Variants in ARHGAP28 observed in about 807,000 individuals in gnomAD.
ARHGAP28 encodes the protein rho GTPase-activating protein 28.
ARHGAP28 carries 56 observed loss-of-function variants against 90.7 expected under a neutral mutation model. The observed-to-expected ratio is 0.62, with a 90% CI of 0.50 to 0.77. The LOEUF is 0.77. Among genes scored for constraint, ARHGAP28 ranks in the 30% least tolerant of loss-of-function variants. The pLI is 0.00. For missense variants in ARHGAP28, 869 were observed against 900.9 expected (o/e 0.96, Z 0.45); for synonymous variants, 308 against 323.3 (o/e 0.95, Z 0.51).
intron 1 of ARHGAP28, among the ~76,000 whole-genome samples, chr18:6,814,178 G>A (rs957352920): frequency 6.6e-6 from 1 of 152,116 alleles, no homozygotes; most frequent in Non-Finnish European, 1.5e-5. Flanking sequence ...AATTTAATAA[G>A]TTTGTACTTG....
intron 1 of ARHGAP28, among the ~76,000 whole-genome samples, chr18:6,758,707 C>T (rs536187359): frequency 6.6e-6 from 1 of 152,296 alleles, no homozygotes; most frequent in South Asian, 2.1e-4. Context: ...CTCCTAGCTG[C>T]TTGGTCTAGT....
At chr18:6,868,281 T>C in intron 6 of ARHGAP28, 47 bp downstream of exon 6, 2 of 1,527,078 alleles carry the variant, frequency 1.3e-6, no homozygotes, top group Non-Finnish European at 1.8e-6. Flanking sequence ...CTTCTCGCTT[T>C]TGTTCTGGCA....
chr18:6,741,133 C>T (rs1600142710), intron 1 of ARHGAP28, among the ~76,000 whole-genome samples: 2 of 152,138 alleles, frequency 1.3e-5, no homozygotes, highest in Non-Finnish European at 2.9e-5. Flanking sequence ...GTCTTGAAAA[C>T]ATATTTGCTG....
At chr18:6,834,682 G>A (rs1442279538) in intron 2 of ARHGAP28, 1 of 152,224 alleles carries the variant, frequency 6.6e-6, no homozygotes, top group Non-Finnish European at 1.5e-5. Flanking sequence ...CCACAAGAGA[G>A]AGGATGTAGC....
chr18:6,755,814 C>A (rs1480373527), intron 1 of ARHGAP28, among the ~76,000 whole-genome samples: 1 of 152,118 alleles, frequency 6.6e-6, no homozygotes, highest in Non-Finnish European at 1.5e-5. Flanking sequence ...AGCATTTGAG[C>A]AATTTCTTTT....
rs577409944 is a variant in ARHGAP28 at position 6,751,217 on chromosome 18, A to G, written c.122+21274A>G. On this transcript the variant is annotated intron_variant, in intron 1 of 17. Transcript: ENST00000383472. ...AGAAGACAATTTTTTAAATTTTTCA[A>G]TGAAACATAGAAAATGATACACCAA... Among the ~76,000 whole-genome samples, 228 of 152,300 alleles carry G rather than the reference A, an allele frequency of 1.5e-3. 1 individual carries two copies. Among genetic ancestry groups the G allele is most frequent in the African/African-American group, 5.0e-3 (209 of 41,574 alleles).
At chr18:6,865,567 A>G (rs1265824413) in intron 5 of ARHGAP28, among the ~76,000 whole-genome samples, 1 of 152,174 alleles carries the variant, frequency 6.6e-6, no homozygotes, top group African/African-American at 2.4e-5. Flanking sequence ...AACTCAAACC[A>G]TGGGCAAAAA....
chr18:6,848,060 C>T (rs2056880507), intron 3 of ARHGAP28, among the ~76,000 whole-genome samples: 2 of 152,052 alleles, frequency 1.3e-5, no homozygotes, highest in Admixed American at 1.3e-4. Flanking sequence ...CCTAGTATGC[C>T]ACAAAATTCC....
chr18:6,910,252 G>A (rs975205552), intron 17 of ARHGAP28, among the ~76,000 whole-genome samples: 2 of 152,224 alleles, frequency 1.3e-5, no homozygotes, highest in East Asian at 3.9e-4. Context: ...TCCTAGCTGC[G>A]CTGCTGGAGA....
At chr18:6,774,961 T>G (rs554739236) in intron 1 of ARHGAP28, among the ~76,000 whole-genome samples, 1 of 152,346 alleles carries the variant, frequency 6.6e-6, no homozygotes, top group South Asian at 2.1e-4. Flanking sequence ...AATTAGCACC[T>G]GTGTTAGTGT....
rs1020021012 is a variant in ARHGAP28 at position 6,808,590 on chromosome 18, G to A, written c.123-16172G>A. On this transcript the variant is annotated intron_variant, in intron 1 of 17. Transcript: ENST00000383472. ...TTCAGTTTCTTGTGGATATTTTTTC[G>A]GGGGTTACATTCTAGAGCAGCCTCT... is the stretch of plus-strand genomic sequence containing the variant. 1.4e-4 allele frequency among the ~76,000 whole-genome samples: 22 copies of A among 152,084 alleles called. 1 individual carries two copies. Among genetic ancestry groups the A allele is most frequent in the Admixed American group, 6.6e-4 (10 of 15,266 alleles).
chr18:6,766,306 T>C (rs2056199546), intron 1 of ARHGAP28, among the ~76,000 whole-genome samples: 1 of 152,228 alleles, frequency 6.6e-6, no homozygotes, highest in African/African-American at 2.4e-5. Context: ...TTTAGGATTA[T>C]TAGGTTTTCT....
chr18:6,752,433 C>A (rs2056076967), intron 1 of ARHGAP28, among the ~76,000 whole-genome samples: 1 of 152,302 alleles, frequency 6.6e-6, no homozygotes, highest in African/African-American at 2.4e-5. Context: ...CCTCACAAGT[C>A]AATAAACGTC....
At chr18:6,870,556 A>G in intron 6 of ARHGAP28, 34 bp from the exon 7 acceptor site, 1 of 1,562,400 alleles carries the variant, frequency 6.4e-7, no homozygotes, top group Non-Finnish European at 8.7e-7. Flanking sequence ...TAAATAGCAT[A>G]TTAAATAGTC....
chr18:6,776,575 G>C (rs560484669), intron 1 of ARHGAP28, among the ~76,000 whole-genome samples: 6 of 152,172 alleles, frequency 3.9e-5, no homozygotes, highest in Non-Finnish European at 8.8e-5. Flanking sequence ...GGGATTATAG[G>C]CATGAGCCAC....
At chr18:6,843,259 C>T (rs959544251) in intron 3 of ARHGAP28, among the ~76,000 whole-genome samples, 6 of 152,254 alleles carry the variant, frequency 3.9e-5, no homozygotes, top group Non-Finnish European at 7.3e-5. Flanking sequence ...CCACTGCCAC[C>T]GAGGCAGGTG....
chr18:6,820,186 A>G (rs1475395343), intron 1 of ARHGAP28, among the ~76,000 whole-genome samples: 1 of 152,170 alleles, frequency 6.6e-6, no homozygotes, highest in African/African-American at 2.4e-5. Flanking sequence ...ATGGGCAAAA[A>G]TTGATCAAAA....
intron 5 of ARHGAP28, among the ~76,000 whole-genome samples, chr18:6,861,724 T>C (rs2057000333): frequency 6.6e-6 from 1 of 152,228 alleles, no homozygotes; most frequent in African/African-American, 2.4e-5. Flanking sequence ...CACAATTTTA[T>C]TTCTGGTAAG....
chr18:6,772,522 A>G (rs1045545197), intron 1 of ARHGAP28, among the ~76,000 whole-genome samples: 4 of 152,218 alleles, frequency 2.6e-5, no homozygotes, highest in Admixed American at 2.0e-4. Context: ...CACTTTCAGT[A>G]CAGTATTCAA....
Sources: allele counts gnomAD v4.1 joint callset (sites outside exome capture counted in the v4.1 genomes callset), GRCh38; gene constraint gnomAD v4.1.1; transcripts MANE v1.5; gene names NCBI Gene and HGNC (gene_info 2026-07-23, HGNC 2026-07-21).